The following GABRB1 variants were observed in gnomAD, a reference collection of about 807,000 sequenced individuals.
GABRB1 encodes gamma-aminobutyric acid receptor subunit beta-1.
A neutral mutation model predicts 51.6 loss-of-function variants in GABRB1; 17 were observed. The observed-to-expected ratio is 0.33, with a 90% confidence interval of 0.23 to 0.49. The LOEUF is 0.49. Among genes scored for constraint, GABRB1 ranks in the 20% least tolerant of loss-of-function variants. GABRB1 has a pLI of 0.99. For missense variants in GABRB1, 410 were observed against 600.6 expected, an observed-to-expected ratio of 0.68 and a Z score of 3.32; for synonymous variants, 247 against 218.9, an observed-to-expected ratio of 1.13 and a Z score of -1.14.
At chr4:46,999,274 C>G (rs557723062) in intron 1 of GABRB1, among the ~76,000 whole-genome samples, 12 of 152,122 alleles carry the variant, frequency 7.9e-5, no homozygotes, top group Non-Finnish European at 1.5e-4. Context: ...AATATAATGT[C>G]ATGTCTTGTT....
intron 5 of GABRB1, among the ~76,000 whole-genome samples, chr4:47,329,476 G>A (rs1725386453): frequency 1.3e-5 from 2 of 148,506 alleles, no homozygotes; most frequent in African/African-American, 4.9e-5. Context: ...GGAATATATA[G>A]CATATATAAA....
rs1729274822 is a variant in GABRB1 at position 47,425,890 on chromosome 4, G to A, written c.1297G>A (p.Ala433Thr). ...CAGCAAGGGGCGCATCCGCAGGCGT[G>A]CCTCCCAGCTCAAAGTCAAGATCCC... ...VPSKGRIRRR[A>T]SQLKVKIPDL... Residue 433 changes from alanine (A) to threonine (T), a missense_variant, in exon 9 of 9, where the codon GCC becomes ACC. Around this residue, in one of 5 missense-constraint regions of GABRB1, gnomAD observed 181 missense variants for 195.6 expected, o/e 0.93. Coordinates refer to ENST00000295454, the MANE Select transcript of GABRB1 (RefSeq NM_000812.4). 1.2e-6 allele frequency: 2 copies of A among 1,614,074 alleles called. No individual in the cohort carries two copies. The highest frequency in any genetic ancestry group is 1.1e-5 in the South Asian group (1 of 91,080).
chr4:47,334,224 C>T (rs1339414067), intron 5 of GABRB1, among the ~76,000 whole-genome samples: 1 of 152,058 alleles, frequency 6.6e-6, no homozygotes, highest in Admixed American at 6.6e-5. Flanking sequence ...CTGGAGTCAG[C>T]ATAAATAAAT....
chr4:47,127,953 A>C (rs1276969017), intron 3 of GABRB1, among the ~76,000 whole-genome samples: 1 of 151,768 alleles, frequency 6.6e-6, no homozygotes, highest in Non-Finnish European at 1.5e-5. Context: ...GGAGAAAAAT[A>C]AACAAAAAAA....
intron 4 of GABRB1, among the ~76,000 whole-genome samples, chr4:47,236,905 G>C (rs1450931091): frequency 6.6e-6 from 1 of 152,012 alleles, no homozygotes; most frequent in Non-Finnish European, 1.5e-5. Flanking sequence ...GTAAACACTG[G>C]ATTTTAATGC....
chr4:47,300,023 A>G (rs559719775), intron 4 of GABRB1, among the ~76,000 whole-genome samples: 2 of 145,020 alleles, frequency 1.4e-5, no homozygotes, highest in Admixed American at 7.2e-5. Context: ...TCTCACTCAT[A>G]GGTGGGAATT....
chr4:47,088,150 C>G (rs915547823), intron 3 of GABRB1, among the ~76,000 whole-genome samples: 2 of 152,158 alleles, frequency 1.3e-5, no homozygotes, highest in African/African-American at 4.8e-5. Context: ...GCTGTACTTT[C>G]CTACATTTAG....
chr4:47,304,948 CACTT>C (rs1724390721), intron 4 of GABRB1, among the ~76,000 whole-genome samples: 4 of 152,218 alleles, frequency 2.6e-5, no homozygotes, highest in African/African-American at 7.2e-5. Context: ...CTGGTCCACT[CACTT>C]AACATGGGAG....
intron 4 of GABRB1, among the ~76,000 whole-genome samples, chr4:47,218,718 C>T (rs572220400): frequency 6.6e-6 from 1 of 151,852 alleles, no homozygotes; most frequent in African/African-American, 2.4e-5. Flanking sequence ...ATTCCTTATT[C>T]ATTTTTGAAT....
chr4:47,273,402 C>A (rs1454674488), intron 4 of GABRB1, among the ~76,000 whole-genome samples: 1 of 152,152 alleles, frequency 6.6e-6, no homozygotes, highest in Non-Finnish European at 1.5e-5. Context: ...TCCTGCCAAT[C>A]TTGTGTGCAA....
rs1231491806 is a variant in GABRB1, at chr4:47,042,479, A to AAT, written c.240+10006_240+10007dup. Among the ~76,000 whole-genome samples the AAT allele has an allele frequency of 2.4e-4, 35 of 145,738 alleles. 1 individual carries two copies. The highest frequency in any genetic ancestry group is 3.5e-4 in the Non-Finnish European group (23 of 66,386). ...AGTATGTGCACAGTATATATATACAAATATATATATATGTATATATAGTCT... is the reference window on the plus strand; with the variant it reads ...AGTATGTGCACAGTATATATATACAAATATATATATATATGTATATATAGTCT... On this transcript the variant is annotated intron_variant, in intron 3 of 8. Transcript: ENST00000295454.
intron 3 of GABRB1, among the ~76,000 whole-genome samples, chr4:47,119,510 C>CTTT (rs71195603): frequency 7.2e-6 from 1 of 139,192 alleles, no homozygotes; most frequent in African/African-American, 2.6e-5. Context: ...CTTTTTCTTT[C>CTTT]TTTTTTTTTT....
chr4:47,302,142 A>T (rs1170323110), intron 4 of GABRB1, among the ~76,000 whole-genome samples: 2 of 152,180 alleles, frequency 1.3e-5, no homozygotes, highest in Non-Finnish European at 2.9e-5. Flanking sequence ...CTGATATACT[A>T]AGATTTCTCT....
At chr4:47,109,388 GA>G (rs1217454616) in intron 3 of GABRB1, among the ~76,000 whole-genome samples, 1 of 151,460 alleles carries the variant, frequency 6.6e-6, no homozygotes, top group Non-Finnish European at 1.5e-5. Context: ...ATGAGAATCT[GA>G]AAAAAAACAA....
At chr4:47,248,346 T>C (rs1721845169) in intron 4 of GABRB1, among the ~76,000 whole-genome samples, 2 of 152,142 alleles carry the variant, frequency 1.3e-5, no homozygotes, top group Non-Finnish European at 2.9e-5. Context: ...TGTTAAACCA[T>C]TCCTGGATCC....
chr4:47,382,385 G>A (rs1176375682), intron 5 of GABRB1, among the ~76,000 whole-genome samples: 1 of 152,186 alleles, frequency 6.6e-6, no homozygotes, highest in African/African-American at 2.4e-5. Flanking sequence ...AATCACCTGA[G>A]GTTGAGAATC....
intron 3 of GABRB1, among the ~76,000 whole-genome samples, chr4:47,092,131 T>C (rs1439305519): frequency 6.7e-6 from 1 of 150,176 alleles, no homozygotes; most frequent in African/African-American, 2.4e-5. Flanking sequence ...CAAGAATTCA[T>C]TTCTTTTCTT....
chr4:47,380,979 A>G (rs1448919698), intron 5 of GABRB1, among the ~76,000 whole-genome samples: 2 of 152,198 alleles, frequency 1.3e-5, no homozygotes, highest in Admixed American at 6.5e-5. Context: ...TTGTAAATAC[A>G]GTAACACCAG....
At chr4:47,365,407 C>T (rs1726942899) in intron 5 of GABRB1, among the ~76,000 whole-genome samples, 1 of 152,180 alleles carries the variant, frequency 6.6e-6, no homozygotes, top group African/African-American at 2.4e-5. Context: ...TAGTTTAATT[C>T]ACCCTTTTTC....
Sources: gnomAD v4.1 joint callset for allele counts (sites outside exome capture counted in the v4.1 genomes callset) on GRCh38, gnomAD v4.1.1 for gene constraint, gnomAD v4.1.1 regional missense constraint, MANE v1.5 for transcripts, NCBI Gene and HGNC (gene_info 2026-07-23, HGNC 2026-07-21) for gene names.